TMEM117: variants seen among roughly 807,000 people sequenced by gnomAD.
TMEM117 encodes transmembrane protein 117.
A neutral mutation model predicts 52.4 loss-of-function variants in TMEM117; 27 were observed. The ratio of observed to expected loss-of-function variants is 0.51; its 90% CI spans 0.38 to 0.71. The LOEUF (loss-of-function observed/expected upper bound fraction) is 0.71, where lower values mean the gene tolerates loss of function less well. Ranked by LOEUF, TMEM117 falls within the 30% of genes least tolerant of loss-of-function variation. TMEM117 has a pLI of 0.00. For synonymous variants in TMEM117, 215 were observed against 206.3 expected, an observed-to-expected ratio of 1.04 and a Z score of -0.36; for missense variants, 556 against 630.5, an observed-to-expected ratio of 0.88 and a Z score of 1.26.
chr12:44,311,179 GTATATATA>G (rs367612892), intron 6 of TMEM117, among the ~76,000 whole-genome samples: 1 of 151,106 alleles, frequency 6.6e-6, no homozygotes, highest in Non-Finnish European at 1.5e-5. Flanking sequence ...TTTTATGTGA[GTATATATA>G]TATATGTATA....
At chr12:44,032,548 A>G (rs571967276) in intron 3 of TMEM117, among the ~76,000 whole-genome samples, 16 of 152,338 alleles carry the variant, frequency 1.1e-4, no homozygotes, top group Non-Finnish European at 2.1e-4. Context: ...CAGTTGTCCA[A>G]TTCATGGAAA....
At chr12:44,135,089 A>C (rs1948470362) in intron 3 of TMEM117, among the ~76,000 whole-genome samples, 2 of 152,242 alleles carry the variant, frequency 1.3e-5, no homozygotes, top group South Asian at 4.2e-4. Flanking sequence ...ACAGGGGATA[A>C]AACTGTGGTC....
In TMEM117 at chr12:44,130,426, G is replaced by T. The variant is rs891356407; in HGVS notation, c.411-13099G>T. Among the ~76,000 whole-genome samples, 50 of 152,156 alleles carry T rather than the reference G, an allele frequency of 3.3e-4. 2 individuals are homozygous for T. Among genetic ancestry groups the T allele is most frequent in the Admixed American group, 3.3e-3 (50 of 15,280 alleles). On this transcript the variant is annotated intron_variant, in intron 3 of 7. Coordinates refer to ENST00000266534, the MANE Select transcript of TMEM117 (RefSeq NM_032256.3). ...TTTAGGCCCTTTGCTTTCTTACTTT[G>T]CTAAATAGTTTTACCACTTATACAA... is the stretch of plus-strand genomic sequence containing the variant.
chr12:44,033,593 A>T (rs1946666717), intron 3 of TMEM117, among the ~76,000 whole-genome samples: 1 of 152,212 alleles, frequency 6.6e-6, no homozygotes. Context: ...GAGGTCCAGG[A>T]TTATGGAGTG....
intron 6 of TMEM117, among the ~76,000 whole-genome samples, chr12:44,346,164 G>A (rs908773525): frequency 6.6e-6 from 1 of 152,038 alleles, no homozygotes; most frequent in Non-Finnish European, 1.5e-5. Flanking sequence ...TGGGAAACAA[G>A]ACTTCTATTA....
At chr12:44,234,555 T>C (rs954477895) in intron 5 of TMEM117, among the ~76,000 whole-genome samples, 1 of 151,360 alleles carries the variant, frequency 6.6e-6, no homozygotes, top group Non-Finnish European at 1.5e-5. Flanking sequence ...ATCTTGGTCT[T>C]TGTTGATTCA....
At chr12:44,048,098 A>G (rs182896357) in intron 3 of TMEM117, among the ~76,000 whole-genome samples, 3 of 152,172 alleles carry the variant, frequency 2.0e-5, no homozygotes, top group South Asian at 2.1e-4. Flanking sequence ...TATTGTGTCA[A>G]TTTTGTTGTA....
intron 6 of TMEM117, among the ~76,000 whole-genome samples, chr12:44,366,605 CATTG>C (rs1436653295): frequency 2.6e-5 from 4 of 152,094 alleles, no homozygotes; most frequent in Admixed American, 2.6e-4. Flanking sequence ...ACCTAACCCT[CATTG>C]AAGAAAGGCA....
intron 4 of TMEM117, among the ~76,000 whole-genome samples, chr12:44,166,340 G>A (rs1948966947): frequency 6.6e-6 from 1 of 152,142 alleles, no homozygotes; most frequent in Non-Finnish European, 1.5e-5. Context: ...AGCCACACAT[G>A]TTTAGTAGTG....
chr12:43,949,443 T>C (rs191540003), intron 3 of TMEM117, among the ~76,000 whole-genome samples: 1 of 152,180 alleles, frequency 6.6e-6, no homozygotes, highest in Non-Finnish European at 1.5e-5. Flanking sequence ...TTACTGAAGT[T>C]GTGTGCATAC....
chr12:44,191,349 A>G (rs1268538096), intron 4 of TMEM117, among the ~76,000 whole-genome samples: 2 of 151,738 alleles, frequency 1.3e-5, no homozygotes, highest in Non-Finnish European at 2.9e-5. Flanking sequence ...AACCATGTCT[A>G]TCTATCTATC....
intron 2 of TMEM117, among the ~76,000 whole-genome samples, chr12:43,867,699 T>TTTA (rs1943628690): frequency 6.6e-6 from 1 of 152,082 alleles, no homozygotes; most frequent in African/African-American, 2.4e-5. Context: ...CAGACAAAAG[T>TTTA]AACCAAAAAG....
intron 5 of TMEM117, among the ~76,000 whole-genome samples, chr12:44,245,194 ATTTTAGAGT>A (rs1410430567): frequency 7.2e-5 from 11 of 152,016 alleles, no homozygotes; most frequent in South Asian, 2.1e-4. Flanking sequence ...TTCCATACAC[ATTTTAGAGT>A]TTTTAGAGTT....
chr12:43,812,967 A>C, the TMEM117 span, among the ~76,000 whole-genome samples: 4 of 151,184 alleles, frequency 2.6e-5, no homozygotes, highest in African/African-American at 9.7e-5. Context: ...GATCATGTGC[A>C]CTATACTCCA....
chr12:43,940,424 T>G (rs892185468), intron 2 of TMEM117, among the ~76,000 whole-genome samples: 1 of 152,220 alleles, frequency 6.6e-6, no homozygotes, highest in Non-Finnish European at 1.5e-5. Context: ...TTCTTTCCAT[T>G]CTTTTGGTGA....
At chr12:44,099,919 A>G (rs1947834009) in intron 3 of TMEM117, among the ~76,000 whole-genome samples, 1 of 152,148 alleles carries the variant, frequency 6.6e-6, no homozygotes. Flanking sequence ...GACATTAAGA[A>G]TGATGACCTG....
chr12:44,259,297 C>T (rs959837103), intron 5 of TMEM117, among the ~76,000 whole-genome samples: 1 of 152,070 alleles, frequency 6.6e-6, no homozygotes, highest in Admixed American at 6.6e-5. Context: ...TCACCATACT[C>T]TATGATGTGG....
At chr12:43,951,362 C>T (rs964568719) in intron 3 of TMEM117, among the ~76,000 whole-genome samples, 7 of 152,172 alleles carry the variant, frequency 4.6e-5, no homozygotes, top group African/African-American at 1.4e-4. Flanking sequence ...GCTCCCACTC[C>T]TATAGAGCCC....
rs375172334 is a variant in TMEM117 at position 43,920,975 on chromosome 12, C to G, written c.278-23235C>G. ...AGTCCTTGATCTGCATTGTGCTTTC[C>G]ACTTCTACGCTTTTACTTATCATTT... On this transcript the variant is annotated intron_variant, in intron 2 of 7. Transcript: ENST00000266534. 2.5e-4 allele frequency among the ~76,000 whole-genome samples: 38 copies of G among 152,206 alleles called. No individual in the cohort carries two copies. In the East Asian group the frequency reaches 4.8e-3, roughly 19 times the overall value.
Sources: gnomAD v4.1 joint callset for allele counts (sites outside exome capture counted in the v4.1 genomes callset) on GRCh38, gnomAD v4.1.1 for gene constraint, MANE v1.5 for transcripts, NCBI Gene and HGNC (gene_info 2026-07-23, HGNC 2026-07-21) for gene names.